Variants in PODXL2 observed in about 807,000 individuals in gnomAD.
The protein encoded by PODXL2 is podocalyxin-like protein 2.
A neutral mutation model predicts 53.4 loss-of-function variants in PODXL2; 17 were observed. The ratio of observed to expected loss-of-function variants is 0.32; its 90% CI spans 0.22 to 0.48. The LOEUF is 0.48. Ranked by LOEUF, PODXL2 falls within the 20% of genes least tolerant of loss-of-function variation. PODXL2 has a pLI of 0.99. For missense variants in PODXL2, 673 were observed against 760.0 expected (o/e 0.89, Z 1.35); for synonymous variants, 311 against 306.7 (o/e 1.01, Z -0.15).
chr3:127,629,410 C>G lies in PODXL2; in HGVS notation c.70+121C>G. On this transcript the variant is annotated intron_variant, in intron 1 of 7. Coordinates refer to ENST00000342480, the MANE Select transcript of PODXL2 (RefSeq NM_015720.4). This position sits in a 1 kb window ranked among gnomAD's most constrained non-coding sequence, Gnocchi z 6.4. The stretch of plus-strand genomic sequence containing the variant: ...CGGCGCCGCCGGGAGCGCGCGTGTC[C>G]CGGCCGGGCCGCGGCGCCGCCCCGA... The G allele has an allele frequency of 1.3e-6, 1 of 770,472 alleles. No homozygotes were observed. Among genetic ancestry groups the G allele is most frequent in the Non-Finnish European group, 1.6e-6 (1 of 634,222 alleles). 47.7% of individuals were successfully genotyped at this position (770,472 alleles called of 1,614,324 possible).
At chr3:127,630,472 G>A (rs749082478) in intron 1 of PODXL2, among the ~76,000 whole-genome samples, 3 of 152,310 alleles carry the variant, frequency 2.0e-5, no homozygotes, top group Middle Eastern at 3.4e-3. Flanking sequence ...CATTTCCCAC[G>A]CAGCTGGCCC....
intron 7 of PODXL2, among the ~76,000 whole-genome samples, chr3:127,671,868 G>A (rs900194214): frequency 5.9e-5 from 9 of 152,196 alleles, no homozygotes; most frequent in Non-Finnish European, 1.2e-4. Context: ...CCTTTCCGGC[G>A]CAGGCACTGC....
At chr3:127,632,797 C>G (rs981976722) in intron 1 of PODXL2, among the ~76,000 whole-genome samples, 2 of 152,162 alleles carry the variant, frequency 1.3e-5, no homozygotes, top group African/African-American at 2.4e-5. Context: ...TGTTGCACCT[C>G]CAGGAAGGGC....
In PODXL2 at chr3:127,661,048, C is replaced by G. The variant is rs1222540370; in HGVS notation, c.1020C>G (p.Asp340Glu). The G allele has an allele frequency of 1.2e-6, 2 of 1,614,204 alleles. No individual in the cohort carries two copies. The highest frequency in any genetic ancestry group is 2.2e-5 in the South Asian group (2 of 91,084). The change falls in exon 3 of 8, where the codon GAC becomes GAG. Residue 340 changes from aspartate to glutamate, a missense_variant. Physicochemically the swap from Asp to Glu is conservative, Grantham distance 45 (BLOSUM62 2). Transcript: ENST00000342480. The stretch of plus-strand genomic sequence containing the variant: ...CCTCTTCCCCACTGGCCCCTGGAGA[C>G]ATGGAACTGACACCTTCCTCTGCTA... ...TSASSPLAPG[D>E]MELTPSSATL... is the part of the protein sequence containing the mutation.
intron 2 of PODXL2, among the ~76,000 whole-genome samples, chr3:127,651,954 T>C (rs1029363382): frequency 3.3e-5 from 5 of 152,222 alleles, no homozygotes; most frequent in Non-Finnish European, 5.9e-5. Context: ...CCAGCCACTC[T>C]TGTGATTCAA....
In PODXL2 at chr3:127,669,135, C is replaced by T; in HGVS notation, c.1364-6C>T. ...CACACTGATAGTGGTGTTTCTTACC[C>T]CCCAGGGGTGGTGCCCACTCAAGAT... On this transcript the variant is annotated splice_polypyrimidine_tract_variant and splice_region_variant and intron_variant, in intron 5 of 7. Coordinates refer to ENST00000342480, the MANE Select transcript of PODXL2 (RefSeq NM_015720.4). 1.9e-6 allele frequency: 3 copies of T among 1,601,358 alleles called. No homozygotes were observed. The highest frequency in any genetic ancestry group is 2.6e-6 in the Non-Finnish European group (3 of 1,173,484).
intron 7 of PODXL2, among the ~76,000 whole-genome samples, chr3:127,671,921 G>A (rs767178814): frequency 5.3e-5 from 8 of 152,218 alleles, no homozygotes; most frequent in Non-Finnish European, 1.2e-4. Context: ...CAGGCCCTGC[G>A]TTGGTGGTGC....
At position 127,672,696 on chromosome 3, in the gene PODXL2, T is replaced by G; in HGVS notation, c.*216T>G. ...GAGGGGCAGGCCTCAAAGCCCGCCT[T>G]GGCCCCGCTTTCCCGCCCCTGAACC... On this transcript the variant is annotated 3_prime_UTR_variant, in exon 8 of 8. Transcript: ENST00000342480. The G allele has an allele frequency of 9.0e-6, 4 of 443,288 alleles. No individual in the cohort carries two copies. The East Asian group carries it at 1.5e-4, about 16-fold the overall frequency. The allele number at this position is 443,288 out of a possible 1,614,324, so 27.5% of individuals were successfully genotyped here.
chr3:127,661,122 C>T lies in PODXL2; in HGVS notation c.1094C>T (p.Ala365Val), dbSNP rs769802022. 2 of 1,614,138 alleles carry T rather than the reference C, an allele frequency of 1.2e-6. No individual in the cohort carries two copies. Among genetic ancestry groups the T allele is most frequent in the Admixed American group, 1.7e-5 (1 of 60,026 alleles). ...LNQQLLEGQAAEAQSRIPWDS... is the reference protein window; with the variant it reads ...LNQQLLEGQAVEAQSRIPWDS... The stretch of plus-strand genomic sequence containing the variant: ...CAGCAGCTCCTAGAAGGGCAGGCAG[C>T]TGAAGCTCAATCCAGGATACCCTGG... Residue 365 changes from alanine (A) to valine (V), a missense_variant, in exon 3 of 8, where the codon GCT (alanine) becomes GTT (valine). This residue lies in a region of PODXL2 where 588 missense variants were observed against 668.3 expected (regional missense o/e 0.88). Coordinates refer to ENST00000342480, the MANE Select transcript of PODXL2 (RefSeq NM_015720.4).
chr3:127,638,609 G>T (rs971711162), intron 1 of PODXL2, among the ~76,000 whole-genome samples: 1 of 152,142 alleles, frequency 6.6e-6, no homozygotes, highest in Non-Finnish European at 1.5e-5. Context: ...CAGCTACTTG[G>T]GGGGCTGAGG....
intron 1 of PODXL2, among the ~76,000 whole-genome samples, chr3:127,635,799 C>T (rs1247202588): frequency 6.6e-6 from 1 of 152,202 alleles, no homozygotes; most frequent in African/African-American, 2.4e-5. Flanking sequence ...ATTTATTTAG[C>T]TCATGATTCT....
chr3:127,638,345 A>G (rs2074591324), intron 1 of PODXL2, among the ~76,000 whole-genome samples: 1 of 152,244 alleles, frequency 6.6e-6, no homozygotes, highest in African/African-American at 2.4e-5. Context: ...GAGAGAATCC[A>G]AGATTCTAAA....
chr3:127,639,600 T>C, intron 2 of PODXL2, 77 bp downstream of exon 2: 1 of 1,344,786 alleles, frequency 7.4e-7, no homozygotes, highest in Non-Finnish European at 1.0e-6. Flanking sequence ...ACCATTTCCT[T>C]GCCAGAAGCA....
intron 2 of PODXL2, among the ~76,000 whole-genome samples, chr3:127,648,068 GT>G (rs1275203711): frequency 2.6e-5 from 4 of 152,108 alleles, no homozygotes; most frequent in African/African-American, 9.7e-5. Context: ...GATGAAATCT[GT>G]AAAAGCAGGC....
At chr3:127,669,036 G>A in intron 5 of PODXL2, 105 bp from the exon 6 acceptor site, 1 of 678,466 alleles carries the variant, frequency 1.5e-6, no homozygotes, top group Non-Finnish European at 2.5e-6. Context: ...AGCCAGGAAG[G>A]GAGACAGAGG....
chr3:127,670,025 T>G (rs2074822205), intron 6 of PODXL2, among the ~76,000 whole-genome samples: 1 of 152,222 alleles, frequency 6.6e-6, no homozygotes, highest in Admixed American at 6.5e-5. Context: ...ATGAGTGGTA[T>G]AATGCTGGCC....
At chr3:127,657,391 C>G (rs1276640528) in intron 2 of PODXL2, among the ~76,000 whole-genome samples, 1 of 152,190 alleles carries the variant, frequency 6.6e-6, no homozygotes, top group African/African-American at 2.4e-5. Context: ...TTAAGTGCGT[C>G]CTGAAGGTTT....
In PODXL2 at chr3:127,642,707, C is replaced by T. The variant is rs576291961; in HGVS notation, c.349+3184C>T. 7.9e-5 allele frequency among the ~76,000 whole-genome samples: 12 copies of T among 152,118 alleles called. No homozygotes were observed. The East Asian group carries it at 1.2e-3, about 15-fold the overall frequency. On this transcript the variant is annotated intron_variant, in intron 2 of 7. Coordinates refer to ENST00000342480, the MANE Select transcript of PODXL2 (RefSeq NM_015720.4). The stretch of plus-strand genomic sequence containing the variant: ...CATATATGTACAAAACATATGTGTA[C>T]GTTCATTATATACAGAATATGTGTA...
chr3:127,638,747 A>G (rs1477423156), intron 1 of PODXL2, among the ~76,000 whole-genome samples: 3 of 152,150 alleles, frequency 2.0e-5, no homozygotes, highest in Admixed American at 6.5e-5. Flanking sequence ...ACTAAAGACT[A>G]TGTTCAGGAT....
Sources: allele counts gnomAD v4.1 joint callset (sites outside exome capture counted in the v4.1 genomes callset), GRCh38; gene constraint gnomAD v4.1.1; regional missense constraint gnomAD v4.1.1; non-coding constraint Gnocchi (gnomAD v3.1); transcripts MANE v1.5; gene names NCBI Gene and HGNC (gene_info 2026-07-23, HGNC 2026-07-21).